IQSEC1: variants seen among roughly 807,000 people sequenced by gnomAD.
IQSEC1 encodes IQ motif and SEC7 domain-containing protein 1.
Under a neutral mutation model 91.0 loss-of-function variants are expected in IQSEC1, and 31 were observed. The ratio of observed to expected loss-of-function variants is 0.34; its 90% CI spans 0.26 to 0.46. The LOEUF (loss-of-function observed/expected upper bound fraction) is 0.46. Ranked by LOEUF, IQSEC1 falls within the 20% of genes least tolerant of loss-of-function variation. The probability of loss-of-function intolerance (pLI) is 1.00; values close to 1 mark genes in which losing one functional copy is unlikely to be tolerated. For missense variants in IQSEC1, 1,388 were observed against 1,575.6 expected, an observed-to-expected ratio of 0.88 and a Z score of 2.02; for synonymous variants, 699 against 662.6, an observed-to-expected ratio of 1.05 and a Z score of -0.84.
chr3:13,179,535 C>A (rs1248196174), intron 1 of IQSEC1, among the ~76,000 whole-genome samples: 2 of 152,264 alleles, frequency 1.3e-5, no homozygotes, highest in African/African-American at 4.8e-5. Context: ...GGAGACACAA[C>A]AATCCTAAAT....
intron 1 of IQSEC1, among the ~76,000 whole-genome samples, chr3:12,946,891 T>A (rs1699216383): frequency 6.6e-6 from 1 of 152,176 alleles, no homozygotes; most frequent in African/African-American, 2.4e-5. Context: ...CTGGGACACC[T>A]GCATGCCCTA....
At chr3:13,135,657 G>A (rs1226715653) in intron 2 of IQSEC1, among the ~76,000 whole-genome samples, 1 of 152,236 alleles carries the variant, frequency 6.6e-6, no homozygotes, top group African/African-American at 2.4e-5. Flanking sequence ...CGGAGTGGGT[G>A]GAGAGAAGGG....
intron 1 of IQSEC1, among the ~76,000 whole-genome samples, chr3:12,947,913 C>T (rs746701322): frequency 1.3e-5 from 2 of 152,228 alleles, no homozygotes; most frequent in Non-Finnish European, 2.9e-5. Context: ...CTGGGTGAAG[C>T]GCTAGATCCC....
At chr3:13,280,914 C>G (rs891980793) in intron 1 of IQSEC1, among the ~76,000 whole-genome samples, 3 of 152,268 alleles carry the variant, frequency 2.0e-5, no homozygotes, top group African/African-American at 7.2e-5. Context: ...ACTTCTGAAA[C>G]AAAATCCCAG....
intron 1 of IQSEC1, among the ~76,000 whole-genome samples, chr3:13,278,930 C>T (rs1056266063): frequency 1.4e-4 from 22 of 152,122 alleles, no homozygotes; most frequent in Admixed American, 1.4e-3. Flanking sequence ...TTGGGCAAGG[C>T]CATGATTTCT....
intron 1 of IQSEC1, among the ~76,000 whole-genome samples, chr3:12,991,657 G>T (rs907035748): frequency 4.6e-5 from 7 of 152,236 alleles, no homozygotes; most frequent in Non-Finnish European, 7.3e-5. Context: ...CCAGTGATGG[G>T]CAGCTTCCTA....
At chr3:12,941,335 G>T (rs1211414337) in intron 2 of IQSEC1, among the ~76,000 whole-genome samples, 1 of 152,070 alleles carries the variant, frequency 6.6e-6, no homozygotes, top group African/African-American at 2.4e-5. Context: ...TCCCCAGAAG[G>T]AACGCCAGAC....
chr3:12,955,856 C>A (rs1043871039), intron 1 of IQSEC1, among the ~76,000 whole-genome samples: 1 of 152,150 alleles, frequency 6.6e-6, no homozygotes, highest in Non-Finnish European at 1.5e-5. Context: ...TCGGACTGCA[C>A]GGAGCTCTCT....
chr3:13,278,276 C>T (rs1205962145), intron 1 of IQSEC1, among the ~76,000 whole-genome samples: 3 of 151,914 alleles, frequency 2.0e-5, no homozygotes, highest in Non-Finnish European at 4.4e-5. Context: ...CCTCCTTAGG[C>T]GATGTTTCCT....
At chr3:13,028,126 CAGG>C (rs1703692049) in intron 1 of IQSEC1, among the ~76,000 whole-genome samples, 1 of 152,146 alleles carries the variant, frequency 6.6e-6, no homozygotes, top group South Asian at 2.1e-4. Flanking sequence ...CTGGAAGTGA[CAGG>C]AGGACAAATA....
chr3:13,028,686 G>A (rs770511799), intron 1 of IQSEC1, among the ~76,000 whole-genome samples: 23 of 152,210 alleles, frequency 1.5e-4, no homozygotes, highest in Admixed American at 2.6e-4. Flanking sequence ...GTTCTGACAC[G>A]TTTCCTTTCA....
At chr3:13,167,440 T>C (rs1220125612) in intron 1 of IQSEC1, among the ~76,000 whole-genome samples, 1 of 152,158 alleles carries the variant, frequency 6.6e-6, no homozygotes, top group Non-Finnish European at 1.5e-5. Context: ...CCTCCAGCAA[T>C]CTTATACCAG....
rs151292454 is a variant in IQSEC1 at position 12,935,489 on chromosome 3, G to A, written c.1527C>T (p.Ile509=). ...WDSPAFSNDV[I]RKRHYRIGLN... is the part of the protein sequence containing the mutation. ...GGCCGATGCGGTAGTGCCTCTTGCG[G>A]ATGACATCGTTGCTAAAGGCAGGCG... Residue 509 remains isoleucine (I), a synonymous_variant, in exon 3 of 14, where the codon ATC becomes ATT. Coordinates refer to ENST00000613206, the MANE Select transcript of IQSEC1 (RefSeq NM_001134382.3). This position sits in a 1 kb window ranked among gnomAD's most constrained non-coding sequence, Gnocchi z 8.0. The A allele has an allele frequency of 1.7e-4, 268 of 1,613,800 alleles. No individual in the cohort carries two copies. The African/African-American group carries it at 3.1e-3, about 19-fold the overall frequency.
At chr3:12,991,848 G>C (rs1024580887) in intron 1 of IQSEC1, among the ~76,000 whole-genome samples, 1 of 152,056 alleles carries the variant, frequency 6.6e-6, no homozygotes, top group African/African-American at 2.4e-5. Flanking sequence ...TAAAACCAAG[G>C]GTGGTGGTGT....
rs1693980459 is a variant in IQSEC1, at chr3:13,189,185, G to A, written c.273-25052C>T. On this transcript the variant is annotated intron_variant, in intron 1 of 15. Coordinates refer to the IQSEC1 transcript ENST00000648114. ...GCCAGGAAGGAACTTTGCAGCCACA[G>A]GCTCCCCACACTGCCAGCATCCTTC... 2.0e-5 allele frequency among the ~76,000 whole-genome samples: 3 copies of A among 152,212 alleles called. No homozygotes were observed. The South Asian group carries it at 6.2e-4, about 32-fold the overall frequency.
chr3:13,260,450 C>T (rs746733496), intron 1 of IQSEC1, among the ~76,000 whole-genome samples: 1 of 152,216 alleles, frequency 6.6e-6, no homozygotes, highest in African/African-American at 2.4e-5. Flanking sequence ...ACAATACTCT[C>T]ATTTCTGTCC....
At chr3:13,109,224 G>A (rs1047762719) in intron 2 of IQSEC1, among the ~76,000 whole-genome samples, 10 of 152,216 alleles carry the variant, frequency 6.6e-5, no homozygotes, top group Admixed American at 5.9e-4. Flanking sequence ...CTGGGGGAGG[G>A]TGGGGAAGCT....
intron 12 of IQSEC1, among the ~76,000 whole-genome samples, chr3:12,904,387 G>A (rs533577961): frequency 2.6e-5 from 4 of 152,344 alleles, no homozygotes; most frequent in Admixed American, 6.5e-5. Context: ...AGGGCAAGAG[G>A]GCTCAACACC....
chr3:13,216,284 T>C (rs138811188), intron 1 of IQSEC1, among the ~76,000 whole-genome samples: 1 of 152,172 alleles, frequency 6.6e-6, no homozygotes, highest in Non-Finnish European at 1.5e-5. Context: ...AGAACAGCAT[T>C]TCCCAACCAG....
Sources: gnomAD v4.1 joint callset for allele counts (sites outside exome capture counted in the v4.1 genomes callset) on GRCh38, gnomAD v4.1.1 for gene constraint, Gnocchi (gnomAD v3.1) non-coding constraint, MANE v1.5 for transcripts, NCBI Gene and HGNC (gene_info 2026-07-23, HGNC 2026-07-21) for gene names.